PHRF1: variants seen among roughly 807,000 people sequenced by gnomAD.
PHRF1 encodes PHD and RING finger domain-containing protein 1.
A neutral mutation model predicts 128.9 loss-of-function variants in PHRF1; 53 were observed. That is an observed-to-expected ratio of 0.41 (90% CI 0.33 to 0.52). The LOEUF (loss-of-function observed/expected upper bound fraction) is 0.52, where lower values mean the gene tolerates loss of function less well. PHRF1 is among the 20% of genes least tolerant of loss of function. The pLI is 0.21. For synonymous variants in PHRF1, 1,178 were observed against 980.6 expected (o/e 1.20, Z -3.76); for missense variants, 2,503 against 2,284.5 (o/e 1.10, Z -1.95).
intron 14 of PHRF1, 46 bp downstream of exon 14, chr11:609,766 TAA>T (rs1856241444): frequency 8.1e-7 from 1 of 1,228,822 alleles, no homozygotes; most frequent in African/African-American, 1.8e-5. Flanking sequence ...CCCCAGTGAG[TAA>T]GGCCCTGGCC....
rs576618640 is a variant in PHRF1, at chr11:602,451, C to T, written c.1152+750C>T. Among the ~76,000 whole-genome samples the T allele has an allele frequency of 2.0e-5, 3 of 152,170 alleles. No homozygotes were observed. In the South Asian group the frequency reaches 6.2e-4, roughly 32 times the overall value. ...ATCCCACCACTTTGGGGGGCTGAGG[C>T]GGACGGATCACCTGAGGTCAGGAGT... On this transcript the variant is annotated intron_variant, in intron 10 of 17. Transcript: ENST00000264555.
At chr11:602,444 G>A (rs1189077851) in intron 10 of PHRF1, among the ~76,000 whole-genome samples, 39 of 152,106 alleles carry the variant, frequency 2.6e-4, no homozygotes, top group Non-Finnish European at 2.9e-5. Context: ...ACTTTGGGGG[G>A]CTGAGGCGGA....
In PHRF1 at chr11:609,153, G is replaced by A; in HGVS notation, c.3697G>A (p.Ala1233Thr). The part of the protein sequence containing the change: ...LGEAHVSPEV[A>T]TADKAPLQAP... Reference sequence around the variant, plus strand: ...GGAAGCACATGTCTCGCCGGAGGTGGCTACGGCCGACAAGGCCCCCCTGCA... The same window carrying A: ...GGAAGCACATGTCTCGCCGGAGGTGACTACGGCCGACAAGGCCCCCCTGCA... Residue 1233 changes from alanine to threonine, a missense_variant, in exon 14 of 18, where the codon GCT (alanine) becomes ACT (threonine). Physicochemically the swap from Ala to Thr is moderately conservative, Grantham distance 58. Transcript: ENST00000264555. 6.2e-7 allele frequency: 1 copy of A among 1,606,158 alleles called. No individual in the cohort carries two copies. The highest frequency in any genetic ancestry group is 1.7e-5 in the Admixed American group (1 of 60,002).
chr11:597,645 GA>G lies in PHRF1; in HGVS notation c.894+76del. 5 of 1,356,612 alleles carry G rather than the reference GA, an allele frequency of 3.7e-6. No homozygotes were observed. Among genetic ancestry groups the G allele is most frequent in the Non-Finnish European group, 5.1e-6 (5 of 988,194 alleles). 84.0% of individuals were successfully genotyped at this position (1,356,612 alleles called of 1,614,324 possible). On this transcript the variant is annotated intron_variant, in intron 8 of 17. Transcript: ENST00000264555. The surrounding 1 kb of genome is among the most constrained non-coding windows in gnomAD (Gnocchi z 6.5). Reference sequence around the variant, plus strand: ...TGATCTCGGCAGTCTGGGTGGGTGGGAGGGGCGTCGTCGGCACTGTGGGGTC... The same window carrying G: ...TGATCTCGGCAGTCTGGGTGGGTGGGGGGGCGTCGTCGGCACTGTGGGGTC...
At chr11:580,763 A>ACTGCAACCTCCGCCTCT (rs1479032658) in intron 1 of PHRF1, among the ~76,000 whole-genome samples, 4 of 152,172 alleles carry the variant, frequency 2.6e-5, no homozygotes, top group Non-Finnish European at 5.9e-5. Context: ...ATCTCGGCTC[A>ACTGCAACCTCCGCCTCT]CTGCAACCTC....
intron 6 of PHRF1, among the ~76,000 whole-genome samples, chr11:594,529 C>T (rs1434896312): frequency 6.6e-6 from 1 of 151,976 alleles, no homozygotes; most frequent in African/African-American, 2.4e-5. Context: ...GCAACCTCTG[C>T]AGCGAGTCAC....
At chr11:605,834 C>T (rs1248924538) in intron 12 of PHRF1, 110 bp downstream of exon 12, 1 of 1,426,766 alleles carries the variant, frequency 7.0e-7, no homozygotes, top group Non-Finnish European at 9.2e-7. Context: ...TGGGTGGCGT[C>T]AGCACCTCCC....
At position 582,159 on chromosome 11, in the gene PHRF1, C is replaced by T. The variant is rs1350654023; in HGVS notation, c.214+78C>T. On this transcript the variant is annotated intron_variant, in intron 3 of 17. Transcript: ENST00000264555. The stretch of plus-strand genomic sequence containing the variant: ...GGACAGCCTTTTATAACACATCCTC[C>T]GTGAGAGTGCTGTCACCACAGCTGG... 32 of 1,540,380 alleles carry T rather than the reference C, an allele frequency of 2.1e-5. 1 individual carries two copies. The highest frequency in any genetic ancestry group is 7.3e-5 in the South Asian group (6 of 82,410).
chr11:598,267 C>A, intron 8 of PHRF1, 106 bp from the exon 9 acceptor site: 1 of 1,402,004 alleles, frequency 7.1e-7, no homozygotes, highest in Non-Finnish European at 9.3e-7. Flanking sequence ...GGCTGTCCTG[C>A]TTCTCTGGCT....
chr11:581,329 G>T (rs1854189990), intron 1 of PHRF1, among the ~76,000 whole-genome samples, 163 bp from the exon 2 acceptor site: 1 of 151,906 alleles, frequency 6.6e-6, no homozygotes, highest in Non-Finnish European at 1.5e-5. Flanking sequence ...TGGGGATACT[G>T]CTGAGAGTTG....
rs1313766979 is a variant in PHRF1 at position 600,602 on chromosome 11, G to A, written c.1025-972G>A. Among the ~76,000 whole-genome samples the A allele has an allele frequency of 2.7e-5, 4 of 150,744 alleles. No homozygotes were observed. The South Asian group carries it at 6.3e-4, about 24-fold the overall frequency. On this transcript the variant is annotated intron_variant, in intron 9 of 17. Transcript: ENST00000264555. ...TCCCAGCACTTTGGGAGGCTGAGGC[G>A]GGTGTGTCACCTGAGATCAGGAGTT...
chr11:610,035 G>A (rs1321981191), intron 14 of PHRF1, among the ~76,000 whole-genome samples, 161 bp from the exon 15 acceptor site: 1 of 152,224 alleles, frequency 6.6e-6, no homozygotes, highest in Non-Finnish European at 1.5e-5. Flanking sequence ...GTGGCTAGGA[G>A]CTGGCACACC....
In PHRF1 at chr11:612,156, C is replaced by G. The variant is rs541940800; in HGVS notation, c.*379C>G. The G allele has an allele frequency of 6.6e-5, 21 of 319,606 alleles. No homozygotes were observed. Among genetic ancestry groups the G allele is most frequent in the African/African-American group, 4.0e-4 (19 of 46,974 alleles). The allele number at this position is 319,606 out of a possible 1,614,324, so 19.8% of individuals were successfully genotyped here. On this transcript the variant is annotated 3_prime_UTR_variant, in exon 18 of 18. Coordinates refer to ENST00000264555, the MANE Select transcript of PHRF1 (RefSeq NM_001286581.2). ...CGTCCTTGATAAATCTCTAGGTGGC[C>G]TCCCGCCAACAGCTGCTGTGTACCT...
At chr11:592,332 C>G (rs1475982307) in intron 5 of PHRF1, among the ~76,000 whole-genome samples, 1 of 152,108 alleles carries the variant, frequency 6.6e-6, no homozygotes, top group East Asian at 1.9e-4. Flanking sequence ...CCTTTCCGTG[C>G]ATCATACTTT....
chr11:611,406 C>T (rs1022705624), intron 17 of PHRF1, among the ~76,000 whole-genome samples: 24 of 152,072 alleles, frequency 1.6e-4, no homozygotes, highest in Non-Finnish European at 2.8e-4. Flanking sequence ...AGCCCATGCT[C>T]CCCCCGCCCA....
intron 1 of PHRF1, among the ~76,000 whole-genome samples, chr11:577,864 C>G (rs141336233): frequency 1.7e-4 from 26 of 152,210 alleles, no homozygotes; most frequent in African/African-American, 6.0e-4. Flanking sequence ...TGCATTGGTT[C>G]CCCTGAATTT....
intron 9 of PHRF1, among the ~76,000 whole-genome samples, chr11:599,583 G>A (rs1855510899): frequency 6.6e-6 from 1 of 152,124 alleles, no homozygotes; most frequent in African/African-American, 2.4e-5. Context: ...TTAAGTGAAT[G>A]CACTCGCTTT....
chr11:608,747 C>T lies in PHRF1; in HGVS notation c.3291C>T (p.Gly1097=), dbSNP rs761042469. The T allele has an allele frequency of 3.0e-5, 48 of 1,611,410 alleles. No homozygotes were observed. Among genetic ancestry groups the T allele is most frequent in the Non-Finnish European group, 4.0e-5 (47 of 1,179,542 alleles). ...CCCGGTCGCGGTCGGGGAGCCCTGG[C>T]AGCTCTTCCTATGAGCACTATGAGA... ...RTSRSRSGSP[G]SSSYEHYESR... Residue 1097 remains glycine, a synonymous_variant, in exon 14 of 18, where the codon GGC becomes GGT. Coordinates refer to ENST00000264555, the MANE Select transcript of PHRF1 (RefSeq NM_001286581.2).
chr11:580,685 T>G (rs757638441), intron 1 of PHRF1, among the ~76,000 whole-genome samples: 3 of 152,198 alleles, frequency 2.0e-5, no homozygotes, highest in Admixed American at 6.5e-5. Context: ...TTGCGATTCC[T>G]CAGGAGCATT....
Sources: gnomAD v4.1 joint callset for allele counts (sites outside exome capture counted in the v4.1 genomes callset) on GRCh38, gnomAD v4.1.1 for gene constraint, Gnocchi (gnomAD v3.1) non-coding constraint, MANE v1.5 for transcripts, NCBI Gene and HGNC (gene_info 2026-07-23, HGNC 2026-07-21) for gene names.